Variants in DGKB observed in about 807,000 individuals in gnomAD.
DGKB encodes the protein diacylglycerol kinase beta.
A neutral mutation model predicts 114.3 loss-of-function variants in DGKB; 67 were observed. That is an observed-to-expected ratio of 0.59 (90% CI 0.48 to 0.72). DGKB has a LOEUF of 0.72. DGKB is among the 30% of genes least tolerant of loss of function. The probability of loss-of-function intolerance (pLI) is 0.00; values close to 1 mark genes in which losing one functional copy is unlikely to be tolerated. For missense variants in DGKB, 907 were observed against 975.2 expected (o/e 0.93, Z 0.93); for synonymous variants, 398 against 323.1 (o/e 1.23, Z -2.49).
chr7:14,279,666 A>G (rs2128451333), intron 23 of DGKB, among the ~76,000 whole-genome samples: 1 of 152,220 alleles, frequency 6.6e-6, no homozygotes, highest in Middle Eastern at 3.4e-3. Flanking sequence ...ACCCGACCTC[A>G]AAGGCAGACT....
At chr7:14,170,100 C>A (rs369567865) in intron 25 of DGKB, among the ~76,000 whole-genome samples, 2 of 141,844 alleles carry the variant, frequency 1.4e-5, no homozygotes, top group East Asian at 2.1e-4. Context: ...CACCATTGCA[C>A]TCCAGCCTGG....
At chr7:14,209,886 C>T (rs1204124201) in intron 23 of DGKB, among the ~76,000 whole-genome samples, 5 of 124,432 alleles carry the variant, frequency 4.0e-5, no homozygotes, top group Admixed American at 4.0e-4. Flanking sequence ...GTTATTCACC[C>T]TATGGCTGTC....
intron 20 of DGKB, among the ~76,000 whole-genome samples, chr7:14,555,031 C>T (rs919601917): frequency 1.3e-5 from 2 of 152,068 alleles, no homozygotes; most frequent in Non-Finnish European, 2.9e-5. Context: ...ACAAGTTTTC[C>T]TGTTCCGGAT....
At chr7:14,464,861 C>T (rs10247453) in intron 21 of DGKB, among the ~76,000 whole-genome samples, 56,425 of 151,940 alleles carry the variant, frequency 0.37, 10,886 homozygotes, top group Admixed American at 0.48. Flanking sequence ...TTTCTTTCTT[C>T]CTGTGTACAC....
chr7:14,876,596 A>G (rs1853326834), intron 1 of DGKB, among the ~76,000 whole-genome samples: 1 of 152,166 alleles, frequency 6.6e-6, no homozygotes, highest in Non-Finnish European at 1.5e-5. Context: ...CTTATTTACT[A>G]TGAGTTCTAT....
chr7:14,371,422 A>G (rs1222864085), intron 21 of DGKB, among the ~76,000 whole-genome samples: 1 of 152,126 alleles, frequency 6.6e-6, no homozygotes, highest in Non-Finnish European at 1.5e-5. Context: ...TCTGATGATT[A>G]GTGATGTTGA....
chr7:14,876,784 CA>C (rs542502056), intron 1 of DGKB, among the ~76,000 whole-genome samples: 141 of 152,250 alleles, frequency 9.3e-4, no homozygotes, highest in Admixed American at 3.9e-3. Flanking sequence ...ACTAACTAGG[CA>C]AAGTATGTTA....
chr7:14,224,007 G>A (rs144845963), intron 23 of DGKB, among the ~76,000 whole-genome samples: 14 of 151,234 alleles, frequency 9.3e-5, no homozygotes, highest in Admixed American at 8.6e-4. Flanking sequence ...ATGTGTGTAT[G>A]TGTGGATTTC....
At chr7:14,254,298 G>A (rs1249203975) in intron 23 of DGKB, among the ~76,000 whole-genome samples, 2 of 152,078 alleles carry the variant, frequency 1.3e-5, no homozygotes, top group Admixed American at 6.6e-5. Context: ...CTCAATGAAA[G>A]TATTCAGCCA....
At chr7:14,841,098 A>G in intron 2 of DGKB, 96 bp downstream of exon 2, 3 of 1,121,870 alleles carry the variant, frequency 2.7e-6, no homozygotes, top group Non-Finnish European at 3.8e-6. Flanking sequence ...ATCTATCCCC[A>G]TGAAGAACAG....
intron 12 of DGKB, among the ~76,000 whole-genome samples, chr7:14,673,517 T>C (rs1194104124): frequency 6.6e-6 from 1 of 151,506 alleles, no homozygotes; most frequent in Non-Finnish European, 1.5e-5. Context: ...AATATGTAAA[T>C]GTAACCAGAG....
At chr7:14,967,850 C>T (rs1296660241) in intron 1 of DGKB, among the ~76,000 whole-genome samples, 1 of 151,530 alleles carries the variant, frequency 6.6e-6, no homozygotes, top group African/African-American at 2.4e-5. Context: ...AAAATTTTAG[C>T]CAGATAAAAT....
chr7:14,583,311 G>A (rs941139204), intron 17 of DGKB, among the ~76,000 whole-genome samples, 174 bp from the exon 18 acceptor site: 1 of 151,668 alleles, frequency 6.6e-6, no homozygotes, highest in African/African-American at 2.4e-5. Context: ...ATATATTCAA[G>A]ATTCTATAAT....
intron 23 of DGKB, among the ~76,000 whole-genome samples, chr7:14,185,275 T>G (rs1405791240): frequency 6.6e-6 from 1 of 151,918 alleles, no homozygotes; most frequent in Non-Finnish European, 1.5e-5. Context: ...TTACAATAGC[T>G]GCAAAACAAA....
At chr7:14,721,611 T>C (rs1279814240) in intron 5 of DGKB, among the ~76,000 whole-genome samples, 3 of 152,162 alleles carry the variant, frequency 2.0e-5, no homozygotes, top group Non-Finnish European at 4.4e-5. Flanking sequence ...ACATATTTAA[T>C]TGTGTCACAG....
chr7:14,501,667 T>C (rs951604927), intron 20 of DGKB, among the ~76,000 whole-genome samples: 1 of 152,130 alleles, frequency 6.6e-6, no homozygotes, highest in East Asian at 1.9e-4. Flanking sequence ...CTGGATTTCA[T>C]AATTGCTATG....
At chr7:14,161,981 A>T (rs1195104097) in intron 25 of DGKB, among the ~76,000 whole-genome samples, 1 of 152,188 alleles carries the variant, frequency 6.6e-6, no homozygotes, top group African/African-American at 2.4e-5. Context: ...TTAGTATTCT[A>T]TCCCAGGAAG....
intron 23 of DGKB, among the ~76,000 whole-genome samples, chr7:14,245,442 A>G (rs1479264452): frequency 1.3e-5 from 2 of 152,144 alleles, no homozygotes; most frequent in South Asian, 2.1e-4. Flanking sequence ...CCAGGTAAGC[A>G]TCGGAAAAGG....
chr7:14,854,349 C>G (rs1001274670), intron 1 of DGKB, among the ~76,000 whole-genome samples: 3 of 152,098 alleles, frequency 2.0e-5, no homozygotes, highest in African/African-American at 7.2e-5. Flanking sequence ...ACACTTAATA[C>G]CTGCCACAAC....
Sources: gnomAD v4.1 joint callset for allele counts (sites outside exome capture counted in the v4.1 genomes callset) on GRCh38, gnomAD v4.1.1 for gene constraint, MANE v1.5 for transcripts, NCBI Gene and HGNC (gene_info 2026-07-23, HGNC 2026-07-21) for gene names.